The following RAPGEF1 variants were observed in gnomAD, a reference collection of about 807,000 sequenced individuals.
RAPGEF1 encodes CRK SH3-binding GNRP.
In RAPGEF1, 33 loss-of-function variants were observed where a neutral mutation model predicts 143.3. The ratio of observed to expected loss-of-function variants is 0.23; its 90% CI spans 0.17 to 0.31. The LOEUF (loss-of-function observed/expected upper bound fraction) is 0.31. RAPGEF1 is among the 10% of genes least tolerant of loss of function. RAPGEF1 has a pLI of 1.00. For synonymous variants in RAPGEF1, 629 were observed against 676.5 expected (o/e 0.93, Z 1.09); for missense variants, 1,199 against 1,645.4 (o/e 0.73, Z 4.69).
Position 131,675,813 on chromosome 9 carries a change from TGAA to T in RAPGEF1, c.62-24867_62-24865del, listed in dbSNP as rs1300504087. 6.6e-6 allele frequency among the ~76,000 whole-genome samples: 1 copy of T among 152,150 alleles called. No homozygotes were observed. The highest frequency in any genetic ancestry group is 1.5e-5 in the Non-Finnish European group (1 of 68,026). ...CAGACATTAATTGCCATTTTGCAGA[TGAA>T]GAAACTAAAGCTCAGAGAAAAGAAC... is the stretch of plus-strand genomic sequence containing the variant. On this transcript the variant is annotated intron_variant, in intron 1 of 26. Coordinates refer to ENST00000683357, the MANE Select transcript of RAPGEF1 (RefSeq NM_001377935.1). This position sits in a 1 kb window ranked among gnomAD's most constrained non-coding sequence, Gnocchi z 4.6.
chr9:131,638,069 G>A (rs1431652578), intron 5 of RAPGEF1, among the ~76,000 whole-genome samples: 1 of 152,184 alleles, frequency 6.6e-6, no homozygotes, highest in Non-Finnish European at 1.5e-5. Flanking sequence ...TCTCTATTAG[G>A]ATTTGTCCCC....
intron 1 of RAPGEF1, among the ~76,000 whole-genome samples, chr9:131,730,716 A>AAAAAAAAAAAAAAAAAAAAAG (rs1564212126): frequency 8.2e-6 from 1 of 121,828 alleles, no homozygotes; most frequent in East Asian, 2.4e-4. Context: ...AAAAAAAAAA[A>AAAAAAAAAAAAAAAAAAAAAG]AAGAAGAAGA....
Position 131,739,757 on chromosome 9 carries a change from G to A in RAPGEF1, c.61+13C>T. On this transcript the variant is annotated intron_variant, in intron 1 of 26. Transcript: ENST00000683357. ...GCCCGGCCGGAGGGAGCCGCCCCAC[G>A]CCCGCGCCTCACCTGCTTTCTCGAT... is the stretch of plus-strand genomic sequence containing the variant. 1 of 1,150,194 alleles carries A rather than the reference G, an allele frequency of 8.7e-7. No homozygotes were observed. Among genetic ancestry groups the A allele is most frequent in the Non-Finnish European group, 1.1e-6 (1 of 922,034 alleles). The allele number at this position is 1,150,194 out of a possible 1,614,324, so 71.2% of individuals were successfully genotyped here.
rs1177180866 is a variant in RAPGEF1, at chr9:131,724,836, C to T, written c.61+14934G>A. The stretch of plus-strand genomic sequence containing the variant: ...CTTGTTGCAGAAAGACGGCCTCATC[C>T]TCCCAAGAGACACACAGATATTGGC... On this transcript the variant is annotated intron_variant, in intron 1 of 26. Coordinates refer to ENST00000683357, the MANE Select transcript of RAPGEF1 (RefSeq NM_001377935.1). Among the ~76,000 whole-genome samples the T allele has an allele frequency of 6.6e-5, 10 of 152,344 alleles. No individual in the cohort carries two copies. The East Asian group carries it at 1.7e-3, about 26-fold the overall frequency.
At chr9:131,587,032 AC>A in intron 22 of RAPGEF1, among the ~76,000 whole-genome samples, 1 of 126,316 alleles carries the variant, frequency 7.9e-6, no homozygotes, top group East Asian at 2.3e-4. Context: ...ACACACACAC[AC>A]ACACACCCCT....
intron 1 of RAPGEF1, among the ~76,000 whole-genome samples, chr9:131,734,391 C>T (rs543878740): frequency 6.6e-6 from 1 of 152,316 alleles, no homozygotes; most frequent in Admixed American, 6.5e-5. Flanking sequence ...CTGAAAACCA[C>T]AGGAAATTGC....
chr9:131,602,117 T>A lies in RAPGEF1; in HGVS notation c.2445A>T (p.Arg815Ser). The A allele has an allele frequency of 6.2e-7, 1 of 1,601,220 alleles. No homozygotes were observed. Residue 815 changes from arginine (R) to serine (S), a missense_variant, in exon 15 of 27, where the codon AGA (arginine) becomes AGT (serine). By Grantham distance (110) the Arg-to-Ser change is moderately radical. Transcript: ENST00000683357. ...EPPAGKDGHP[R>S]DPSAVSGVPG... The stretch of plus-strand genomic sequence containing the variant: ...GGACGCCGCTGACCGCTGAGGGATC[T>A]CTGGGATGTCCGTCTTTCCCAGCCG...
At position 131,658,467 on chromosome 9, in the gene RAPGEF1, A is replaced by G. The variant is rs11243465; in HGVS notation, c.62-7518T>C. ...GCCTCAGACTCTTGCTCCATGTTACATTTACCCCAAGGTCAGAGACTCCCA... is the reference window on the plus strand; with the variant it reads ...GCCTCAGACTCTTGCTCCATGTTACGTTTACCCCAAGGTCAGAGACTCCCA... On this transcript the variant is annotated intron_variant, in intron 1 of 26. Transcript: ENST00000683357. Among the ~76,000 whole-genome samples, 1,367 of 152,290 alleles carry G rather than the reference A, an allele frequency of 9.0e-3. 22 individuals are homozygous for G. Among genetic ancestry groups the G allele is most frequent in the African/African-American group, 0.031 (1,300 of 41,552 alleles).
At chr9:131,700,485 G>A (rs975230324) in intron 1 of RAPGEF1, among the ~76,000 whole-genome samples, 1 of 152,166 alleles carries the variant, frequency 6.6e-6, no homozygotes, top group African/African-American at 2.4e-5. Context: ...AAACTCCAGA[G>A]GGCAGAGATG....
At chr9:131,706,069 C>T (rs912492654) in intron 1 of RAPGEF1, among the ~76,000 whole-genome samples, 12 of 152,092 alleles carry the variant, frequency 7.9e-5, no homozygotes, top group African/African-American at 2.4e-4. Context: ...AATCAGGGGC[C>T]GCCTGGTCTG....
chr9:131,710,233 C>T (rs1835413456), intron 1 of RAPGEF1, among the ~76,000 whole-genome samples: 1 of 152,106 alleles, frequency 6.6e-6, no homozygotes, highest in Non-Finnish European at 1.5e-5. Context: ...AGAAAACAAG[C>T]TGATTTCACT....
chr9:131,591,497 A>G (rs1008365016), intron 18 of RAPGEF1, among the ~76,000 whole-genome samples: 1 of 152,216 alleles, frequency 6.6e-6, no homozygotes, highest in Non-Finnish European at 1.5e-5. Context: ...GGGTCCTTCC[A>G]AACCCCTGGG....
intron 12 of RAPGEF1, among the ~76,000 whole-genome samples, chr9:131,618,391 C>T (rs551873106): frequency 6.6e-5 from 10 of 152,340 alleles, no homozygotes; most frequent in African/African-American, 1.7e-4. Flanking sequence ...CCTGCTACCC[C>T]CTGTCCTAAG....
At chr9:131,728,921 T>A (rs950582038) in intron 1 of RAPGEF1, among the ~76,000 whole-genome samples, 1 of 152,220 alleles carries the variant, frequency 6.6e-6, no homozygotes, top group Non-Finnish European at 1.5e-5. Flanking sequence ...CTGTTAGGAT[T>A]TTCCCCATTT....
rs1588123469 is a variant in RAPGEF1 at position 131,576,859 on chromosome 9, A to C, written c.*2638T>G. ...CTGCAGGAAGATGCCACCATCAGAC[A>C]GGTTAGCTGGGGCATATATATTACA... On this transcript the variant is annotated 3_prime_UTR_variant, in exon 27 of 27. Transcript: ENST00000683357. 6.6e-6 allele frequency: 1 copy of C among 152,192 alleles called. No homozygotes were observed. Among genetic ancestry groups the C allele is most frequent in the East Asian group, 1.9e-4 (1 of 5,190 alleles). 9.4% of individuals were successfully genotyped at this position (152,192 alleles called of 1,614,324 possible).
chr9:131,684,901 C>G (rs1244118045), intron 1 of RAPGEF1, among the ~76,000 whole-genome samples: 2 of 152,148 alleles, frequency 1.3e-5, no homozygotes, highest in African/African-American at 4.8e-5. Flanking sequence ...GAGGAGGACC[C>G]CAACTGTCAT....
At chr9:131,687,490 C>G (rs571588550) in intron 1 of RAPGEF1, among the ~76,000 whole-genome samples, 2 of 152,004 alleles carry the variant, frequency 1.3e-5, no homozygotes, top group South Asian at 4.1e-4. Context: ...CCATCGCACC[C>G]GGCCTTGCAT....
intron 1 of RAPGEF1, among the ~76,000 whole-genome samples, chr9:131,733,181 T>C (rs1380802154): frequency 3.9e-5 from 6 of 151,922 alleles, no homozygotes; most frequent in Non-Finnish European, 8.8e-5. Flanking sequence ...TCCCCATTAG[T>C]GGTTACCTAA....
chr9:131,713,530 T>TA (rs1835655772), intron 1 of RAPGEF1, among the ~76,000 whole-genome samples: 1 of 152,228 alleles, frequency 6.6e-6, no homozygotes, highest in Non-Finnish European at 1.5e-5. Context: ...GGTTTGAATC[T>TA]ATGGGGGCAC....
Sources: allele counts gnomAD v4.1 joint callset (sites outside exome capture counted in the v4.1 genomes callset), GRCh38; gene constraint gnomAD v4.1.1; non-coding constraint Gnocchi (gnomAD v3.1); transcripts MANE v1.5; gene names NCBI Gene and HGNC (gene_info 2026-07-23, HGNC 2026-07-21).